The following IGF2BP1 variants were observed in gnomAD, a reference collection of about 807,000 sequenced individuals.
IGF2BP1 encodes the protein insulin like growth factor 2 mRNA binding protein 1, also known as insulin-like growth factor 2 mRNA-binding protein 1.
IGF2BP1 carries 11 observed loss-of-function variants against 74.9 expected under a neutral mutation model. That is an observed-to-expected ratio of 0.15 (90% CI 0.09 to 0.24). IGF2BP1 has a LOEUF of 0.24. Among genes scored for constraint, IGF2BP1 ranks in the 10% least tolerant of loss-of-function variants. The probability of loss-of-function intolerance (pLI) is 1.00; values close to 1 mark genes in which losing one functional copy is unlikely to be tolerated. For missense variants in IGF2BP1, 440 were observed against 757.4 expected, an observed-to-expected ratio of 0.58 and a Z score of 4.92; for synonymous variants, 287 against 281.8, an observed-to-expected ratio of 1.02 and a Z score of -0.18.
intron 5 of IGF2BP1, among the ~76,000 whole-genome samples, chr17:49,035,828 G>C (rs971590610): frequency 2.0e-5 from 3 of 152,210 alleles, no homozygotes; most frequent in Admixed American, 1.3e-4. Flanking sequence ...GCCGGGATAC[G>C]TAGCAGCAGC....
intron 2 of IGF2BP1, among the ~76,000 whole-genome samples, chr17:49,010,313 C>CTT (rs397857828): frequency 6.6e-3 from 695 of 105,514 alleles, no homozygotes; most frequent in East Asian, 0.011. Flanking sequence ...TGGTGGTCAT[C>CTT]TTTTTTTTTT....
intron 2 of IGF2BP1, among the ~76,000 whole-genome samples, chr17:49,019,954 A>T (rs1286428938): frequency 1.9e-4 from 8 of 41,562 alleles, no homozygotes; most frequent in South Asian, 1.5e-3. Context: ...ATATATTTAT[A>T]TACACACACA....
intron 3 of IGF2BP1, 186 bp from the exon 4 acceptor site, chr17:49,026,280 A>T (rs909889913): frequency 1.5e-5 from 8 of 532,914 alleles, no homozygotes; most frequent in Non-Finnish European, 2.7e-5. Context: ...ACTTAAGTAC[A>T]CTCCTGCAAA....
Position 49,013,338 on chromosome 17 carries a change from G to C in IGF2BP1, c.237-12280G>C, listed in dbSNP as rs373799089. 1.1e-4 allele frequency among the ~76,000 whole-genome samples: 16 copies of C among 152,218 alleles called. No individual in the cohort carries two copies. The East Asian group carries it at 1.7e-3, about 17-fold the overall frequency. Reference sequence around the variant, plus strand: ...CCCGGGAGGAGAGCCTTCTTTCTCTGCGGGTTCCGAAGGCTCCTAGTTCCG... The same window carrying C: ...CCCGGGAGGAGAGCCTTCTTTCTCTCCGGGTTCCGAAGGCTCCTAGTTCCG... On this transcript the variant is annotated intron_variant, in intron 2 of 14. Coordinates refer to ENST00000290341, the MANE Select transcript of IGF2BP1 (RefSeq NM_006546.4).
At chr17:49,020,683 T>A (rs1814392831) in intron 2 of IGF2BP1, among the ~76,000 whole-genome samples, 1 of 152,150 alleles carries the variant, frequency 6.6e-6, no homozygotes, top group South Asian at 2.1e-4. Flanking sequence ...GAACAGTGGG[T>A]CTGCACCGTG....
chr17:49,037,346 C>A, intron 5 of IGF2BP1: 1 of 504,394 alleles, frequency 2.0e-6, no homozygotes, highest in Non-Finnish European at 3.7e-6. Context: ...ATGAAGAATG[C>A]AAAATGGAAT....
chr17:49,000,710 G>A (rs2041478823), intron 2 of IGF2BP1, among the ~76,000 whole-genome samples: 1 of 152,162 alleles, frequency 6.6e-6, no homozygotes, highest in Admixed American at 6.5e-5. Flanking sequence ...CTTGAGGATG[G>A]TTTAAATTTT....
At position 49,050,563 on chromosome 17, in the gene IGF2BP1, C is replaced by G. The variant is rs1440458653; in HGVS notation, c.*1119C>G. ...GTTACCTTGGTGGTGGGACTTGGAA[C>G]CCAACCCTGAGCTCCCGATAAAGCT... On this transcript the variant is annotated 3_prime_UTR_variant, in exon 15 of 15. Coordinates refer to ENST00000290341, the MANE Select transcript of IGF2BP1 (RefSeq NM_006546.4). 1 of 152,310 alleles carries G rather than the reference C, an allele frequency of 6.6e-6. No individual in the cohort carries two copies. The highest frequency in any genetic ancestry group is 2.4e-5 in the African/African-American group (1 of 41,568). 9.4% of individuals were successfully genotyped at this position (152,310 alleles called of 1,614,324 possible). A position where few individuals can be genotyped will look rare whatever the true frequency, so the allele number is the denominator to read the frequency against.
At chr17:49,042,944 A>G (rs191740087) in intron 9 of IGF2BP1, among the ~76,000 whole-genome samples, 44 of 152,288 alleles carry the variant, frequency 2.9e-4, no homozygotes, top group African/African-American at 1.0e-3. Context: ...TTGGCCTCCC[A>G]AAGTACTAGG....
chr17:49,001,929 T>C (rs1413968881), intron 2 of IGF2BP1, among the ~76,000 whole-genome samples: 1 of 152,168 alleles, frequency 6.6e-6, no homozygotes, highest in African/African-American at 2.4e-5. Context: ...TTGTTACACT[T>C]GCCACTGTGG....
intron 3 of IGF2BP1, among the ~76,000 whole-genome samples, 195 bp downstream of exon 3, chr17:49,025,861 T>C (rs374052459): frequency 7.1e-5 from 6 of 84,496 alleles, no homozygotes; most frequent in East Asian, 4.0e-4. Flanking sequence ...TTCTTTCTTT[T>C]TTTTTTTTTT....
At chr17:49,018,923 A>G (rs2041741370) in intron 2 of IGF2BP1, among the ~76,000 whole-genome samples, 1 of 152,004 alleles carries the variant, frequency 6.6e-6, no homozygotes, top group Non-Finnish European at 1.5e-5. Context: ...GTTTAATCCT[A>G]CTTCTTTGCT....
intron 2 of IGF2BP1, among the ~76,000 whole-genome samples, chr17:49,000,121 C>T (rs539918078): frequency 1.3e-5 from 2 of 152,238 alleles, no homozygotes; most frequent in African/African-American, 4.8e-5. Flanking sequence ...AGTCTTTCTA[C>T]TTTCTCAAAT....
chr17:49,037,987 T>C (rs922461429), intron 5 of IGF2BP1, among the ~76,000 whole-genome samples, 181 bp from the exon 6 acceptor site: 1 of 152,222 alleles, frequency 6.6e-6, no homozygotes, highest in South Asian at 2.1e-4. Context: ...TCCTTTGAAG[T>C]CTTTGATGCC....
At chr17:49,025,450 C>T (rs901175670) in intron 2 of IGF2BP1, among the ~76,000 whole-genome samples, 168 bp from the exon 3 acceptor site, 3 of 151,682 alleles carry the variant, frequency 2.0e-5, no homozygotes, top group Admixed American at 2.0e-4. Flanking sequence ...GCGGGTACCC[C>T]TACTCCAAGT....
intron 11 of IGF2BP1, 120 bp downstream of exon 11, chr17:49,044,206 C>A: frequency 1.5e-6 from 2 of 1,360,104 alleles, no homozygotes; most frequent in Middle Eastern, 1.9e-4. Flanking sequence ...ATATGAGGGA[C>A]CTTTCCCCCA....
At chr17:49,011,144 A>C (rs1178075820) in intron 2 of IGF2BP1, among the ~76,000 whole-genome samples, 1 of 94,600 alleles carries the variant, frequency 1.1e-5, no homozygotes. Context: ...TCTCAAAAAA[A>C]AAAAAAAAAA....
intron 2 of IGF2BP1, among the ~76,000 whole-genome samples, chr17:49,009,177 C>T (rs975664080): frequency 5.3e-5 from 8 of 151,760 alleles, no homozygotes; most frequent in South Asian, 2.1e-4. Context: ...TATAGGTGTG[C>T]GCCAGCACCC....
rs926907311 is a variant in IGF2BP1 at position 49,055,330 on chromosome 17, C to T, written c.*5886C>T. 1.0e-5 allele frequency: 3 copies of T among 286,168 alleles called. No homozygotes were observed. The highest frequency in any genetic ancestry group is 5.4e-5 in the East Asian group (1 of 18,568). 17.7% of individuals were successfully genotyped at this position (286,168 alleles called of 1,614,324 possible). ...ACAGGTAACAGCTTTCACAGTCTGC[C>T]CCTGGCCTGTCTCACCCCATCCCCC... On this transcript the variant is annotated 3_prime_UTR_variant, in exon 15 of 15. Coordinates refer to ENST00000290341, the MANE Select transcript of IGF2BP1 (RefSeq NM_006546.4).
Sources: gnomAD v4.1 joint callset for allele counts (sites outside exome capture counted in the v4.1 genomes callset) on GRCh38, gnomAD v4.1.1 for gene constraint, MANE v1.5 for transcripts, NCBI Gene and HGNC (gene_info 2026-07-23, HGNC 2026-07-21) for gene names.